The following IL9R variants were observed in gnomAD, a reference collection of about 807,000 sequenced individuals.
IL9R encodes interleukin 9 receptor, also known as interleukin-9 receptor.
A neutral mutation model predicts 56.3 loss-of-function variants in IL9R; 54 were observed. That is an observed-to-expected ratio of 0.96 (90% CI 0.77 to 1.20). The LOEUF is 1.20. Among genes scored for constraint, IL9R ranks in the 50% most tolerant of loss-of-function variants. The pLI is 0.00. For missense variants in IL9R, 545 were observed against 629.8 expected, an observed-to-expected ratio of 0.87 and a Z score of 1.44; for synonymous variants, 212 against 250.2, an observed-to-expected ratio of 0.85 and a Z score of 1.44.
rs2067843696 is a variant in IL9R, at chrX:156,005,268, AC to A, written c.580-5del. ...CCTTCACCACCTGCTAACTGTCCCCACCCCCACAGCAGGCCCAGCACAGGGA... is the reference window on the plus strand; with the variant it reads ...CCTTCACCACCTGCTAACTGTCCCCACCCCACAGCAGGCCCAGCACAGGGA... On this transcript the variant is annotated splice_polypyrimidine_tract_variant and intron_variant, in intron 5 of 8. Coordinates refer to ENST00000244174, the MANE Select transcript of IL9R (RefSeq NM_002186.3). 6.2e-7 allele frequency: 1 copy of A among 1,611,198 alleles called. No homozygotes were observed. Among genetic ancestry groups the A allele is most frequent in the Non-Finnish European group, 8.5e-7 (1 of 1,179,482 alleles).
intron 1 of IL9R, chrX:156,001,490 C>A (rs750868989): frequency 1.2e-6 from 2 of 1,608,368 alleles, no homozygotes. Context: ...CCAGGCTGCA[C>A]GCTCCATTCT....
At position 156,003,763 on chromosome X, in the gene IL9R, C is replaced by T; in HGVS notation, c.341C>T (p.Pro114Leu). ...VVLPPEAVLVPSDNFTITFHH... is the reference protein window; with the variant it reads ...VVLPPEAVLVLSDNFTITFHH... ...CTGCCACCTGAGGCAGTGCTCGTGC[C>T]ATCTGACAATTTCACCATCACTTTC... Residue 114 changes from proline (P) to leucine (L), a missense_variant, in exon 4 of 9, where the codon CCA (proline) becomes CTA (leucine). Physicochemically the swap from Pro to Leu is moderately conservative, Grantham distance 98. Around this residue, in one of 2 missense-constraint regions of IL9R, gnomAD observed 431 missense variants for 360.0 expected, o/e 1.20. Coordinates refer to ENST00000244174, the MANE Select transcript of IL9R (RefSeq NM_002186.3). The T allele has an allele frequency of 6.2e-7, 1 of 1,614,000 alleles. No homozygotes were observed. Among genetic ancestry groups the T allele is most frequent in the Non-Finnish European group, 8.5e-7 (1 of 1,179,862 alleles).
chrX:156,001,430 A>T, intron 1 of IL9R: 1 of 1,610,574 alleles, frequency 6.2e-7, no homozygotes, highest in Non-Finnish European at 8.5e-7. Flanking sequence ...GAACGGACAG[A>T]CACTGCTGCA....
rs1428005842 is a variant in IL9R at position 156,003,709 on chromosome X, T to C, written c.287T>C (p.Ile96Thr). ...GCTCCTGGCGGCACACATAAGTGCA[T>C]CTTGCGGGGCAGTGAGTGCACCGTC... The part of the protein sequence containing the change: ...NQAPGGTHKC[I>T]LRGSECTVVL... The change falls in exon 4 of 9, where the codon ATC (isoleucine) becomes ACC (threonine). Residue 96 changes from isoleucine (I) to threonine (T), a missense_variant. Ile to Thr is a moderately conservative substitution (Grantham distance 89). Transcript: ENST00000244174. The C allele has an allele frequency of 1.9e-6, 3 of 1,613,548 alleles. No individual in the cohort carries two copies. Among genetic ancestry groups the C allele is most frequent in the African/African-American group, 1.3e-5 (1 of 74,914 alleles).
chrX:155,997,743 G>T lies in IL9R; in HGVS notation c.-17G>T. 6.2e-7 allele frequency: 1 copy of T among 1,613,558 alleles called. No individual in the cohort carries two copies. The highest frequency in any genetic ancestry group is 8.5e-7 in the Non-Finnish European group (1 of 1,179,548). On this transcript the variant is annotated 5_prime_UTR_variant, in exon 1 of 9. Coordinates refer to ENST00000244174, the MANE Select transcript of IL9R (RefSeq NM_002186.3). The stretch of plus-strand genomic sequence containing the variant: ...GGTGACAAATCACCTCCAGGTTGGG[G>T]ATGCCTCAGACTTGTGATGGGACTG...
At chrX:155,998,536 C>T (rs754031783) in intron 1 of IL9R, among the ~76,000 whole-genome samples, 79 of 152,156 alleles carry the variant, frequency 5.2e-4, no homozygotes, top group Non-Finnish European at 3.4e-4. Flanking sequence ...AGAGCTGTCA[C>T]GCTACAGCTG....
chrX:156,008,985 T>C (rs1422322127), intron 8 of IL9R, among the ~76,000 whole-genome samples: 3 of 116,988 alleles, frequency 2.6e-5, no homozygotes, highest in African/African-American at 9.9e-5. Flanking sequence ...CTGTGTGTGT[T>C]TAAGTCTGTG....
chrX:156,000,842 A>T, intron 1 of IL9R, among the ~76,000 whole-genome samples: 1 of 152,230 alleles, frequency 6.6e-6, no homozygotes, highest in African/African-American at 2.4e-5. Context: ...GCCCTCGGGA[A>T]GTTCACAGGC....
intron 8 of IL9R, among the ~76,000 whole-genome samples, chrX:156,009,161 ATGTG>A (rs1569478870): frequency 1.4e-4 from 10 of 71,940 alleles, no homozygotes; most frequent in South Asian, 1.0e-3. Flanking sequence ...GTTTGTGTTT[ATGTG>A]TGTATGTCTG....
chrX:156,001,406 A>G, intron 1 of IL9R: 1 of 1,602,890 alleles, frequency 6.2e-7, no homozygotes, highest in Non-Finnish European at 8.5e-7. Context: ...CCACCTTTCC[A>G]GTAACTGCTG....
rs758233292 is a variant in IL9R at position 156,005,294 on chromosome X, A to T, written c.596A>T (p.Asp199Val). The change falls in exon 6 of 9, where the codon GAT (aspartate) becomes GTT (valine). Residue 199 changes from aspartate to valine, a missense_variant. This residue lies in a region of IL9R where 431 missense variants were observed against 360.0 expected (regional missense o/e 1.20). Coordinates refer to ENST00000244174, the MANE Select transcript of IL9R (RefSeq NM_002186.3). ...CCCCCACAGCAGGCCCAGCACAGGG[A>T]TCACATTGTCGGGGTGACCTGGCTT... ...EEAWEQAQHR[D>V]HIVGVTWLIL... is the part of the protein sequence containing the mutation. 2 of 1,611,986 alleles carry T rather than the reference A, an allele frequency of 1.2e-6. No individual in the cohort carries two copies. Among genetic ancestry groups the T allele is most frequent in the Non-Finnish European group, 1.7e-6 (2 of 1,179,826 alleles).
At chrX:156,000,078 G>A in intron 1 of IL9R, among the ~76,000 whole-genome samples, 1 of 151,628 alleles carries the variant, frequency 6.6e-6, no homozygotes, top group Non-Finnish European at 1.5e-5. Flanking sequence ...AGAGGTTGCA[G>A]TGAGCCGAGA....
At chrX:156,000,843 G>T (rs1396913990) in intron 1 of IL9R, among the ~76,000 whole-genome samples, 1 of 152,190 alleles carries the variant, frequency 6.6e-6, no homozygotes, top group Non-Finnish European at 1.5e-5. Context: ...CCCTCGGGAA[G>T]TTCACAGGCT....
intron 1 of IL9R, among the ~76,000 whole-genome samples, chrX:155,998,725 G>T (rs733878): frequency 6.6e-6 from 1 of 152,020 alleles, no homozygotes; most frequent in Non-Finnish European, 1.5e-5. Flanking sequence ...GTGGGGCGGG[G>T]GTTGGAAAAC....
chrX:156,010,012 A>T lies in IL9R; in HGVS notation c.1169A>T (p.Glu390Val), dbSNP rs139815305. 6.8e-4 allele frequency: 1,052 copies of T among 1,555,174 alleles called. 50 individuals are homozygous for T. The African/African-American group carries it at 0.015, about 23-fold the overall frequency. ...AGGCTCCCGGGGAACCTGAGCTCAG[A>T]GGATGTGCTGCCAGCAGGGTGTACG... ...GTRLPGNLSS[E>V]DVLPAGCTEW... is the part of the protein sequence containing the mutation. The change falls in exon 9 of 9, where the codon GAG becomes GTG. Residue 390 changes from glutamate to valine, a missense_variant. Glu to Val is a moderately radical substitution (Grantham distance 121, BLOSUM62 -2). Coordinates refer to ENST00000244174, the MANE Select transcript of IL9R (RefSeq NM_002186.3).
In IL9R at chrX:156,004,535, G is replaced by T. The variant is rs1343830468; in HGVS notation, c.549G>T (p.Leu183=). Residue 183 remains leucine, a synonymous_variant, in exon 5 of 9, where the codon CTG becomes CTT. Coordinates refer to ENST00000244174, the MANE Select transcript of IL9R (RefSeq NM_002186.3). The part of the protein sequence containing the change: ...EPMTTLLSYE[L]AFKKQEEAWE... ...TGACCACACTTCTCAGCTATGAGCT[G>T]GCCTTCAAGAAGCAGGAAGAGGCCT... is the stretch of plus-strand genomic sequence containing the variant. 1 of 1,613,022 alleles carries T rather than the reference G, an allele frequency of 6.2e-7. No individual in the cohort carries two copies. The highest frequency in any genetic ancestry group is 1.7e-5 in the Admixed American group (1 of 59,990).
rs1247297544 is a variant in IL9R, at chrX:156,004,530, G to C, written c.544G>C (p.Glu182Gln). 1 of 1,613,158 alleles carries C rather than the reference G, an allele frequency of 6.2e-7. No homozygotes were observed. Among genetic ancestry groups the C allele is most frequent in the Non-Finnish European group, 8.5e-7 (1 of 1,179,878 alleles). Residue 182 changes from glutamate to glutamine, a missense_variant, in exon 5 of 9, where the codon GAG (glutamate) becomes CAG (glutamine). By Grantham distance (29) the Glu-to-Gln change is conservative. Around this residue, in one of 2 missense-constraint regions of IL9R, gnomAD observed 431 missense variants for 360.0 expected, o/e 1.20. Transcript: ENST00000244174. ...GCCAATGACCACACTTCTCAGCTAT[G>C]AGCTGGCCTTCAAGAAGCAGGAAGA... The part of the protein sequence containing the change: ...LEPMTTLLSY[E>Q]LAFKKQEEAW...
chrX:156,010,211 C>A lies in IL9R; in HGVS notation c.1368C>A (p.Ala456=). 7.2e-7 allele frequency: 1 copy of A among 1,385,622 alleles called. No homozygotes were observed. The highest frequency in any genetic ancestry group is 9.5e-7 in the Non-Finnish European group (1 of 1,056,270). 85.8% of individuals were successfully genotyped at this position (1,385,622 alleles called of 1,614,324 possible). ...GCTATGGGGGATGGCACCTCTCAGCCCTCCCAGGAAACACACAGAGCTCTG... is the reference window on the plus strand; with the variant it reads ...GCTATGGGGGATGGCACCTCTCAGCACTCCCAGGAAACACACAGAGCTCTG... ...LGCYGGWHLS[A]LPGNTQSSGP... The change falls in exon 9 of 9, where the codon GCC becomes GCA. Residue 456 remains alanine, a synonymous_variant. Coordinates refer to ENST00000244174, the MANE Select transcript of IL9R (RefSeq NM_002186.3).
chrX:155,999,289 C>G (rs731477), intron 1 of IL9R, among the ~76,000 whole-genome samples: 34,854 of 151,914 alleles, frequency 0.23, 4,900 homozygotes, highest in East Asian at 0.59. Context: ...TCTGCAGTGC[C>G]AAGTCCAGCC....
Sources: gnomAD v4.1 joint callset for allele counts (sites outside exome capture counted in the v4.1 genomes callset) on GRCh38, gnomAD v4.1.1 for gene constraint, gnomAD v4.1.1 regional missense constraint, MANE v1.5 for transcripts, NCBI Gene and HGNC (gene_info 2026-07-23, HGNC 2026-07-21) for gene names.